The following PDE4D variants were observed in gnomAD, a reference collection of about 807,000 sequenced individuals.
PDE4D encodes 3',5'-cyclic-AMP phosphodiesterase 4D.
PDE4D carries 24 observed loss-of-function variants against 87.4 expected under a neutral mutation model. The ratio of observed to expected loss-of-function variants is 0.27; its 90% CI spans 0.20 to 0.39. The LOEUF (loss-of-function observed/expected upper bound fraction) is 0.39, where lower values mean the gene tolerates loss of function less well. Ranked by LOEUF, PDE4D falls within the 10% of genes least tolerant of loss-of-function variation. The pLI, the probability that PDE4D is intolerant of heterozygous loss-of-function variation, is 1.00. For missense variants in PDE4D, 714 were observed against 1,041.0 expected (o/e 0.69, Z 4.32); for synonymous variants, 384 against 383.2 (o/e 1.00, Z -0.02).
intron 1 of PDE4D, among the ~76,000 whole-genome samples, chr5:59,516,275 C>T (rs1019433257): frequency 6.6e-6 from 1 of 152,178 alleles, no homozygotes; most frequent in African/African-American, 2.4e-5. Context: ...TCTTGCCTAT[C>T]CCTCCTCCCC....
chr5:59,161,823 C>G (rs1379471037), intron 5 of PDE4D, among the ~76,000 whole-genome samples: 1 of 152,172 alleles, frequency 6.6e-6, no homozygotes, highest in Non-Finnish European at 1.5e-5. Flanking sequence ...CTTTGCATCT[C>G]CAGCAAAGAG....
At chr5:59,527,649 C>G (rs1004322730) in intron 1 of PDE4D, among the ~76,000 whole-genome samples, 1 of 152,112 alleles carries the variant, frequency 6.6e-6, no homozygotes, top group Admixed American at 6.5e-5. Flanking sequence ...CTTTCCAAAC[C>G]TTCCAAATTG....
At chr5:60,052,519 G>A (rs1770293581) in intron 2 of PDE4D, among the ~76,000 whole-genome samples, 1 of 152,076 alleles carries the variant, frequency 6.6e-6, no homozygotes, top group Non-Finnish European at 1.5e-5. Context: ...CAATACACTA[G>A]GTATTGATGA....
chr5:59,364,511 G>A (rs1388919614), intron 1 of PDE4D, among the ~76,000 whole-genome samples: 2 of 152,018 alleles, frequency 1.3e-5, no homozygotes, highest in Admixed American at 1.3e-4. Context: ...TAAATTTGAC[G>A]TGTTTTTGTT....
intron 3 of PDE4D, among the ~76,000 whole-genome samples, chr5:59,913,995 G>T (rs73099582): frequency 0.023 from 3,467 of 152,000 alleles, 135 homozygotes; most frequent in African/African-American, 0.08. Context: ...CTTAAATATG[G>T]TTTAAGAATA....
intron 1 of PDE4D, among the ~76,000 whole-genome samples, chr5:59,735,905 A>G (rs925539915): frequency 4.6e-5 from 7 of 152,064 alleles, no homozygotes; most frequent in Non-Finnish European, 1.0e-4. Context: ...CTCGTCTCAA[A>G]TGATCCATCT....
At chr5:59,456,356 C>T (rs1799925083) in intron 1 of PDE4D, among the ~76,000 whole-genome samples, 1 of 152,168 alleles carries the variant, frequency 6.6e-6, no homozygotes, top group Non-Finnish European at 1.5e-5. Context: ...TTTCCCTGCA[C>T]AAGCTCTCTC....
At chr5:59,292,242 T>G (rs1768178966) in intron 1 of PDE4D, among the ~76,000 whole-genome samples, 1 of 152,178 alleles carries the variant, frequency 6.6e-6, no homozygotes. Context: ...TCTCTGCAGA[T>G]AGTTAACCTT....
At chr5:58,999,422 G>T in intron 6 of PDE4D, 1 of 772,424 alleles carries the variant, frequency 1.3e-6, no homozygotes, top group South Asian at 1.7e-5. Context: ...AATTACAGTA[G>T]AGTCTAAGCT....
intron 2 of PDE4D, among the ~76,000 whole-genome samples, chr5:60,062,866 G>A (rs577269264): frequency 1.3e-5 from 2 of 151,926 alleles, no homozygotes; most frequent in Non-Finnish European, 2.9e-5. Context: ...GTTGAACAAT[G>A]GGAACACATG....
At chr5:60,049,128 G>A (rs534900754) in intron 2 of PDE4D, among the ~76,000 whole-genome samples, 15 of 151,706 alleles carry the variant, frequency 9.9e-5, no homozygotes, top group Non-Finnish European at 1.6e-4. Flanking sequence ...ATCTTCCATC[G>A]CTGATACCTT....
At chr5:59,944,563 G>C (rs1292129503) in intron 3 of PDE4D, among the ~76,000 whole-genome samples, 5 of 152,114 alleles carry the variant, frequency 3.3e-5, no homozygotes, top group Admixed American at 3.3e-4. Context: ...AGTAGAGACA[G>C]GGTTTCACCG....
chr5:60,320,007 G>A (rs1414795464), intron 1 of PDE4D, among the ~76,000 whole-genome samples: 1 of 152,250 alleles, frequency 6.6e-6, no homozygotes, highest in East Asian at 1.9e-4. Context: ...TCTCTTCAAA[G>A]CTGTCAGACA....
intron 1 of PDE4D, among the ~76,000 whole-genome samples, chr5:60,258,981 T>C (rs1749373013): frequency 6.6e-6 from 1 of 152,016 alleles, no homozygotes; most frequent in Non-Finnish European, 1.5e-5. Flanking sequence ...ATGGCTATTC[T>C]TTGGTAGTGA....
chr5:59,020,632 G>A (rs1754971838), intron 6 of PDE4D, among the ~76,000 whole-genome samples: 1 of 151,348 alleles, frequency 6.6e-6, no homozygotes, highest in Admixed American at 6.6e-5. Context: ...TAAACCAGTT[G>A]ATCTCACAAA....
chr5:59,931,335 G>A (rs1755893381), intron 3 of PDE4D, among the ~76,000 whole-genome samples: 1 of 152,182 alleles, frequency 6.6e-6, no homozygotes. Flanking sequence ...ACAAAAATTT[G>A]TGTATGTTGA....
At chr5:60,476,788 A>G (rs1283867516) in intron 1 of PDE4D, among the ~76,000 whole-genome samples, 4 of 152,080 alleles carry the variant, frequency 2.6e-5, no homozygotes, top group Non-Finnish European at 5.9e-5. Flanking sequence ...TAATCAAAAA[A>G]AGCACCTCCG....
intron 3 of PDE4D, among the ~76,000 whole-genome samples, chr5:59,972,190 C>T (rs993805252): frequency 6.6e-6 from 1 of 152,192 alleles, no homozygotes; most frequent in African/African-American, 2.4e-5. Flanking sequence ...CCTCTGTCTG[C>T]CAGAGGGGCA....
At chr5:59,981,045 A>G (rs1258207758) in intron 3 of PDE4D, among the ~76,000 whole-genome samples, 3 of 152,126 alleles carry the variant, frequency 2.0e-5, no homozygotes, top group Non-Finnish European at 4.4e-5. Context: ...TAAGGCCAGG[A>G]GTTTGAGAAC....
Sources: allele counts gnomAD v4.1 joint callset (sites outside exome capture counted in the v4.1 genomes callset), GRCh38; gene constraint gnomAD v4.1.1; transcripts MANE v1.5; gene names NCBI Gene and HGNC (gene_info 2026-07-23, HGNC 2026-07-21).